The following ADAMTS6 variants were observed in gnomAD, a reference collection of about 807,000 sequenced individuals.
ADAMTS6 encodes the protein A disintegrin and metalloproteinase with thrombospondin motifs 6.
A neutral mutation model predicts 144.3 loss-of-function variants in ADAMTS6; 23 were observed. The ratio of observed to expected loss-of-function variants is 0.16; its 90% CI spans 0.11 to 0.23. The LOEUF is 0.23. Ranked by LOEUF, ADAMTS6 falls within the 10% of genes least tolerant of loss-of-function variation. The probability of loss-of-function intolerance (pLI) is 1.00; values close to 1 mark genes in which losing one functional copy is unlikely to be tolerated. For missense variants in ADAMTS6, 999 were observed against 1,379.6 expected (o/e 0.72, Z 4.37); for synonymous variants, 444 against 457.5 (o/e 0.97, Z 0.38).
At chr5:65,331,328 G>A (rs1746698066) in intron 8 of ADAMTS6, among the ~76,000 whole-genome samples, 1 of 151,912 alleles carries the variant, frequency 6.6e-6, no homozygotes, top group African/African-American at 2.4e-5. Flanking sequence ...TTTGGTATGT[G>A]CCATGTGGCT....
At chr5:65,355,399 T>C (rs193168458) in intron 7 of ADAMTS6, among the ~76,000 whole-genome samples, 1 of 151,958 alleles carries the variant, frequency 6.6e-6, no homozygotes, top group African/African-American at 2.4e-5. Context: ...TCAATTCCTA[T>C]GCTATATAGG....
chr5:65,250,959 T>C (rs1425205915), intron 14 of ADAMTS6, among the ~76,000 whole-genome samples: 2 of 152,216 alleles, frequency 1.3e-5, no homozygotes, highest in Non-Finnish European at 2.9e-5. Flanking sequence ...CTTTAACTTC[T>C]GCTACTTAAA....
At chr5:65,164,225 C>G (rs1187071122) in intron 24 of ADAMTS6, among the ~76,000 whole-genome samples, 1 of 151,870 alleles carries the variant, frequency 6.6e-6, no homozygotes, top group Non-Finnish European at 1.5e-5. Context: ...CTGGGAAGCG[C>G]AAGGGGTCAG....
chr5:65,296,218 G>T (rs1742826952), intron 10 of ADAMTS6, among the ~76,000 whole-genome samples: 1 of 152,040 alleles, frequency 6.6e-6, no homozygotes, highest in Admixed American at 6.6e-5. Context: ...CCACTAAGTT[G>T]GGCTGATTCA....
chr5:65,317,502 A>G (rs964274581), intron 9 of ADAMTS6, among the ~76,000 whole-genome samples: 1 of 152,208 alleles, frequency 6.6e-6, no homozygotes, highest in African/African-American at 2.4e-5. Context: ...GTCTGGGCAA[A>G]AATTTACTGA....
intron 7 of ADAMTS6, among the ~76,000 whole-genome samples, chr5:65,413,003 T>A (rs776282876): frequency 3.9e-4 from 59 of 152,166 alleles, no homozygotes; most frequent in Admixed American, 1.2e-3. Flanking sequence ...CTTAATAGTT[T>A]GCTAACAAAC....
At chr5:65,477,763 ATT>A (rs201927162) in intron 1 of ADAMTS6, among the ~76,000 whole-genome samples, 49 of 141,740 alleles carry the variant, frequency 3.5e-4, no homozygotes, top group East Asian at 4.1e-4. Context: ...CCCTCCCCAC[ATT>A]TTTTTTTTTT....
chr5:65,435,751 G>A (rs897784603), intron 7 of ADAMTS6, among the ~76,000 whole-genome samples: 5 of 151,590 alleles, frequency 3.3e-5, no homozygotes, highest in African/African-American at 7.3e-5. Flanking sequence ...TCAGCCTCCC[G>A]AGTAGCTGCG....
chr5:65,240,922 G>A (rs970146296), intron 15 of ADAMTS6, among the ~76,000 whole-genome samples: 1 of 152,148 alleles, frequency 6.6e-6, no homozygotes, highest in Non-Finnish European at 1.5e-5. Context: ...AATTTTGCAT[G>A]TCACTGTACA....
intron 7 of ADAMTS6, among the ~76,000 whole-genome samples, chr5:65,398,000 A>G (rs1753501446): frequency 6.6e-6 from 1 of 151,802 alleles, no homozygotes; most frequent in Admixed American, 6.6e-5. Context: ...ATATTGTATG[A>G]TATCTATTCT....
chr5:65,204,340 C>A (rs1271017622), intron 20 of ADAMTS6, among the ~76,000 whole-genome samples: 1 of 151,992 alleles, frequency 6.6e-6, no homozygotes, highest in Non-Finnish European at 1.5e-5. Context: ...TATTAGCTTC[C>A]AGAAGTGTGA....
chr5:65,394,994 AC>A (rs1269485585), intron 7 of ADAMTS6, among the ~76,000 whole-genome samples: 1 of 152,182 alleles, frequency 6.6e-6, no homozygotes, highest in African/African-American at 2.4e-5. Context: ...CAGAAAAGTT[AC>A]AAAAATTGCT....
chr5:65,238,875 A>G (rs1024397519), intron 15 of ADAMTS6, among the ~76,000 whole-genome samples: 9 of 152,200 alleles, frequency 5.9e-5, no homozygotes, highest in African/African-American at 2.2e-4. Context: ...CAATTGATCT[A>G]TAGATTCAAC....
At chr5:65,385,109 C>T (rs1043823724) in intron 7 of ADAMTS6, among the ~76,000 whole-genome samples, 1 of 152,158 alleles carries the variant, frequency 6.6e-6, no homozygotes, top group Non-Finnish European at 1.5e-5. Context: ...ATACCATCAC[C>T]TTGGATACTG....
chr5:65,459,188 C>T (rs1361294310), intron 4 of ADAMTS6, among the ~76,000 whole-genome samples: 1 of 152,124 alleles, frequency 6.6e-6, no homozygotes, highest in Non-Finnish European at 1.5e-5. Flanking sequence ...TGTTTCTCTA[C>T]ATTTTCTCAC....
intron 7 of ADAMTS6, among the ~76,000 whole-genome samples, chr5:65,446,290 A>G (rs937628120): frequency 2.0e-5 from 3 of 152,196 alleles, no homozygotes; most frequent in African/African-American, 7.2e-5. Context: ...GTTTAAATGC[A>G]CACACTGCAA....
chr5:65,459,193 T>C (rs1443385752), intron 4 of ADAMTS6, among the ~76,000 whole-genome samples: 1 of 152,170 alleles, frequency 6.6e-6, no homozygotes, highest in Non-Finnish European at 1.5e-5. Flanking sequence ...CTCTACATTT[T>C]CTCACCTTTA....
intron 4 of ADAMTS6, among the ~76,000 whole-genome samples, chr5:65,456,965 T>C (rs1355399751): frequency 6.6e-6 from 1 of 152,214 alleles, no homozygotes; most frequent in Non-Finnish European, 1.5e-5. Context: ...TATTTTGACA[T>C]AAACTTGAAT....
intron 3 of ADAMTS6, among the ~76,000 whole-genome samples, chr5:65,464,848 T>C (rs1759881992): frequency 6.6e-6 from 1 of 152,202 alleles, no homozygotes; most frequent in African/African-American, 2.4e-5. Context: ...CTCCAAGGGA[T>C]AGTCCTTTTA....
Sources: allele counts gnomAD v4.1 joint callset (sites outside exome capture counted in the v4.1 genomes callset), GRCh38; gene constraint gnomAD v4.1.1; transcripts MANE v1.5; gene names NCBI Gene and HGNC (gene_info 2026-07-23, HGNC 2026-07-21).